NXNL2: variants seen among roughly 807,000 people sequenced by gnomAD.
The protein encoded by NXNL2 is nucleoredoxin-like protein 2.
NXNL2 carries 7 observed loss-of-function variants against 11.1 expected under a neutral mutation model. The ratio of observed to expected loss-of-function variants is 0.63; its 90% CI spans 0.36 to 1.18. The LOEUF (loss-of-function observed/expected upper bound fraction) is 1.18. Ranked by LOEUF, NXNL2 falls within the 50% of genes most tolerant of loss-of-function variation. The pLI is 0.02. For missense variants in NXNL2, 233 were observed against 217.7 expected (o/e 1.07, Z -0.44); for synonymous variants, 109 against 101.8 (o/e 1.07, Z -0.42).
intron 1 of NXNL2, among the ~76,000 whole-genome samples, chr9:88,568,101 T>G (rs1006712402): frequency 6.6e-6 from 1 of 152,144 alleles, no homozygotes; most frequent in Non-Finnish European, 1.5e-5. Context: ...CCAGGGGAAG[T>G]TACTTGCTTT....
intron 1 of NXNL2, among the ~76,000 whole-genome samples, chr9:88,560,443 G>C (rs1308237843): frequency 6.6e-6 from 1 of 152,188 alleles, no homozygotes; most frequent in South Asian, 2.1e-4. Context: ...AGGGGCCTGG[G>C]TGTCCACCAA....
downstream of NXNL2, among the ~76,000 whole-genome samples, chr9:88,576,520 G>A (rs1035248466): frequency 6.6e-6 from 1 of 152,194 alleles, no homozygotes; most frequent in Admixed American, 6.5e-5. Flanking sequence ...GCTTGCTGAA[G>A]GAGGGAGAGA....
intron 1 of NXNL2, among the ~76,000 whole-genome samples, chr9:88,582,484 T>A (rs924401994): frequency 6.6e-6 from 1 of 151,730 alleles, no homozygotes; most frequent in Non-Finnish European, 1.5e-5. Context: ...AATAAAAAAA[T>A]GAAAAAAAAG....
At chr9:88,567,082 C>T (rs1794813225) in intron 1 of NXNL2, among the ~76,000 whole-genome samples, 4 of 152,056 alleles carry the variant, frequency 2.6e-5, no homozygotes, top group African/African-American at 7.3e-5. Flanking sequence ...GAAATTCCAT[C>T]TGCCTGGTTG....
intron 1 of NXNL2, among the ~76,000 whole-genome samples, chr9:88,559,494 C>T (rs557789531): frequency 6.6e-5 from 10 of 152,294 alleles, no homozygotes; most frequent in East Asian, 3.9e-4. Flanking sequence ...AACAGCAAAT[C>T]GAATTGCAAA....
Position 88,535,324 on chromosome 9 carries a change from G to A in NXNL2, c.-111G>A, listed in dbSNP as rs908640482. ...TGGGGCAGGTCTTGAGAGGTCCAGC[G>A]CCCGGTGGTGCGGACAGAGGCGGGG... is the stretch of plus-strand genomic sequence containing the variant. On this transcript the variant is annotated 5_prime_UTR_variant, in exon 1 of 2. Coordinates refer to ENST00000375854, the MANE Select transcript of NXNL2 (RefSeq NM_001161625.2). 1.8e-6 allele frequency: 2 copies of A among 1,132,770 alleles called. No individual in the cohort carries two copies. Among genetic ancestry groups the A allele is most frequent in the Non-Finnish European group, 2.4e-6 (2 of 821,944 alleles). The allele number at this position is 1,132,770 out of a possible 1,614,324, so 70.2% of individuals were successfully genotyped here.
chr9:88,547,134 G>A (rs1038676129), downstream of NXNL2, among the ~76,000 whole-genome samples: 7 of 152,342 alleles, frequency 4.6e-5, no homozygotes, highest in Admixed American at 1.3e-4. Context: ...GGTGAGCCCC[G>A]TGGGCGCTAA....
chr9:88,583,319 A>T (rs770572346), intron 1 of NXNL2, among the ~76,000 whole-genome samples: 2 of 152,222 alleles, frequency 1.3e-5, no homozygotes, highest in African/African-American at 2.4e-5. Flanking sequence ...TTGGAATATC[A>T]GGGTTCACTC....
At chr9:88,571,147 C>T (rs1386261008) in exon 2 of NXNL2, 1 of 364,488 alleles carries the variant, frequency 2.7e-6, no homozygotes, top group Non-Finnish European at 5.3e-6. Context: ...CTCACTGCAA[C>T]CTTTGCCTCC....
rs573841471 is a variant in NXNL2, at chr9:88,566,907, C to CATCT, written c.303-4162_303-4159dup. Among the ~76,000 whole-genome samples the CATCT allele has an allele frequency of 5.9e-4, 89 of 151,956 alleles. No individual in the cohort carries two copies. In the South Asian group the frequency reaches 0.013, roughly 23 times the overall value. On this transcript the variant is annotated intron_variant, in intron 1 of 2. Coordinates refer to the NXNL2 transcript ENST00000375855. ...TCTATCTAGCCTATTATCTATCTAT[C>CATCT]ATCTATCTATCTATCTATCTAATCT...
At chr9:88,553,649 T>A (rs1829973975) in intron 1 of NXNL2, among the ~76,000 whole-genome samples, 1 of 152,196 alleles carries the variant, frequency 6.6e-6, no homozygotes, top group Admixed American at 6.5e-5. Flanking sequence ...ATTTTTCTTA[T>A]CTAGCTGTGG....
chr9:88,542,270 G>A (rs1437711893), intron 1 of NXNL2, among the ~76,000 whole-genome samples: 3 of 151,294 alleles, frequency 2.0e-5, no homozygotes, highest in East Asian at 1.9e-4. Context: ...ACAAACGAAC[G>A]AACAAAAAAA....
At chr9:88,540,578 C>G (rs1160246316) in intron 1 of NXNL2, among the ~76,000 whole-genome samples, 9 of 152,168 alleles carry the variant, frequency 5.9e-5, no homozygotes. Flanking sequence ...TTTCTCAGTT[C>G]TGCAAATACA....
At chr9:88,564,281 TCTATTATC>T (rs1451233375) in intron 1 of NXNL2, among the ~76,000 whole-genome samples, 199 of 126,728 alleles carry the variant, frequency 1.6e-3, no homozygotes, top group African/African-American at 2.1e-3. Context: ...TATCTATCTA[TCTATTATC>T]TATCTATCTA....
chr9:88,542,038 G>A (rs1399413891), intron 1 of NXNL2, among the ~76,000 whole-genome samples: 1 of 151,758 alleles, frequency 6.6e-6, no homozygotes, highest in Non-Finnish European at 1.5e-5. Context: ...AGACCATCCT[G>A]GCTAACATGG....
intron 1 of NXNL2, among the ~76,000 whole-genome samples, chr9:88,553,357 AAACAAC>A (rs138383279): frequency 2.0e-5 from 3 of 151,922 alleles, no homozygotes; most frequent in Admixed American, 6.6e-5. Context: ...AAAAAAGCCC[AAACAAC>A]AACAACAACA....
chr9:88,582,373 G>A (rs935401632), intron 1 of NXNL2, among the ~76,000 whole-genome samples: 6 of 152,108 alleles, frequency 3.9e-5, no homozygotes, highest in African/African-American at 1.4e-4. Flanking sequence ...GGAGGCTGAG[G>A]CAGGAGAATG....
intron 1 of NXNL2, among the ~76,000 whole-genome samples, chr9:88,537,462 C>A (rs1316140181): frequency 2.0e-5 from 3 of 152,226 alleles, no homozygotes; most frequent in Admixed American, 1.3e-4. Flanking sequence ...GTGCTCCTAT[C>A]TTCTCAGCCT....
rs757687228 is a variant in NXNL2, at chr9:88,535,408, G to T, written c.-27G>T. On this transcript the variant is annotated 5_prime_UTR_variant, in exon 1 of 2. Transcript: ENST00000375854. ...GATCATCCTCCTGCAGGTGTCCTCG[G>T]GTCTCAGGTGGCTGCGTGTCTGCGC... The T allele has an allele frequency of 1.3e-6, 2 of 1,564,050 alleles. No individual in the cohort carries two copies. Among genetic ancestry groups the T allele is most frequent in the Admixed American group, 1.8e-5 (1 of 55,876 alleles).
Sources: allele counts gnomAD v4.1 joint callset (sites outside exome capture counted in the v4.1 genomes callset), GRCh38; gene constraint gnomAD v4.1.1; transcripts MANE v1.5; gene names NCBI Gene and HGNC (gene_info 2026-07-23, HGNC 2026-07-21).